The following ABHD18 variants were observed in gnomAD, a reference collection of about 807,000 sequenced individuals.
ABHD18 encodes abhydrolase domain containing 18.
A neutral mutation model predicts 65.9 loss-of-function variants in ABHD18; 55 were observed. The observed-to-expected ratio is 0.84, with a 90% CI of 0.67 to 1.05. The LOEUF (loss-of-function observed/expected upper bound fraction) is 1.05, where lower values mean the gene tolerates loss of function less well. Among genes scored for constraint, ABHD18 ranks in the 50% least tolerant of loss-of-function variants. The probability of loss-of-function intolerance (pLI) is 0.00; values close to 1 mark genes in which losing one functional copy is unlikely to be tolerated. For synonymous variants in ABHD18, 181 were observed against 180.2 expected, an observed-to-expected ratio of 1.00 and a Z score of -0.04; for missense variants, 533 against 558.5, an observed-to-expected ratio of 0.95 and a Z score of 0.46.
intron 1 of ABHD18, among the ~76,000 whole-genome samples, chr4:127,968,848 C>T (rs1178189714): frequency 2.0e-5 from 3 of 152,198 alleles, no homozygotes; most frequent in African/African-American, 2.4e-5. Flanking sequence ...TTTGGAGTTA[C>T]GTTCACCCTG....
At chr4:128,029,630 C>T (rs929095928) in intron 11 of ABHD18, among the ~76,000 whole-genome samples, 2 of 152,136 alleles carry the variant, frequency 1.3e-5, no homozygotes, top group African/African-American at 4.8e-5. Flanking sequence ...TTGAGACCAT[C>T]CTGGCCAACA....
chr4:127,978,452 T>C (rs1034987221), intron 1 of ABHD18, among the ~76,000 whole-genome samples: 1 of 152,140 alleles, frequency 6.6e-6, no homozygotes, highest in Non-Finnish European at 1.5e-5. Flanking sequence ...ATGAGATGGA[T>C]TGGTTGATTA....
At chr4:128,008,896 A>T (rs537657723) in intron 4 of ABHD18, 24 bp from the exon 5 acceptor site, 1 of 1,525,028 alleles carries the variant, frequency 6.6e-7, no homozygotes, top group Non-Finnish European at 8.9e-7. Context: ...AATTTTATTG[A>T]TAAGTCTATG....
At chr4:127,979,067 A>G (rs890213393) in intron 1 of ABHD18, among the ~76,000 whole-genome samples, 1 of 152,232 alleles carries the variant, frequency 6.6e-6, no homozygotes, top group Non-Finnish European at 1.5e-5. Flanking sequence ...AAATGTGAAC[A>G]ACCTACAGAA....
At chr4:128,005,855 C>G (rs1753514363) in intron 4 of ABHD18, among the ~76,000 whole-genome samples, 1 of 152,210 alleles carries the variant, frequency 6.6e-6, no homozygotes, top group Non-Finnish European at 1.5e-5. Flanking sequence ...TGCACAGTCT[C>G]TTGTCTCTGC....
Position 128,011,010 on chromosome 4 carries a change from T to C in ABHD18, c.443-663T>C, listed in dbSNP as rs181803489. Among the ~76,000 whole-genome samples the C allele has an allele frequency of 7.5e-3, 1,148 of 152,214 alleles. 10 individuals carry two copies. Among genetic ancestry groups the C allele is most frequent in the Non-Finnish European group, 9.3e-3 (630 of 68,014 alleles). ...CTTTAATCTGATTTTTTGTACTTTT[T>C]GGATTTTCTATAATAAAAATTTTAT... On this transcript the variant is annotated intron_variant, in intron 6 of 12. Coordinates refer to ENST00000645843, the MANE Select transcript of ABHD18 (RefSeq NM_001358451.3).
At chr4:128,029,557 A>G (rs967516807) in intron 11 of ABHD18, among the ~76,000 whole-genome samples, 2 of 151,942 alleles carry the variant, frequency 1.3e-5, no homozygotes, top group African/African-American at 4.8e-5. Flanking sequence ...GGCCCAGTGG[A>G]TCACGCCTGT....
chr4:128,003,030 C>G (rs7692740), intron 4 of ABHD18, among the ~76,000 whole-genome samples: 105,837 of 151,992 alleles, frequency 0.7, 37,285 homozygotes, highest in Middle Eastern at 0.82. Context: ...GACATTTGAC[C>G]TTATTCTTCT....
At position 128,022,917 on chromosome 4, in the gene ABHD18, C is replaced by T. The variant is rs544892103; in HGVS notation, c.801+1679C>T. On this transcript the variant is annotated intron_variant, in intron 10 of 12. Transcript: ENST00000645843. ...TCCTGAGCAGCTGGGACTACAGGCA[C>T]GCGCCACTATGCTTAGCTAATTTTT... Among the ~76,000 whole-genome samples the T allele has an allele frequency of 5.9e-5, 9 of 152,002 alleles. No homozygotes were observed. The South Asian group carries it at 6.2e-4, about 11-fold the overall frequency.
Position 128,036,016 on chromosome 4 carries a change from GT to G in ABHD18, c.*205del, listed in dbSNP as rs1480836635. ...CAAGATAATATTTGAAGTAAATAAT[GT>G]TAAAGTGTTTTTACTATTGTTTATT... On this transcript the variant is annotated 3_prime_UTR_variant, in exon 13 of 13. Transcript: ENST00000645843. The G allele has an allele frequency of 3.3e-5, 13 of 392,998 alleles. No individual in the cohort carries two copies. The highest frequency in any genetic ancestry group is 5.9e-5 in the Non-Finnish European group (13 of 221,728). 24.3% of individuals were successfully genotyped at this position (392,998 alleles called of 1,614,324 possible).
rs1745983581 is a variant in ABHD18, at chr4:127,967,947, C to T, written c.-18+2341C>T. ...CACCCCTTTCAAACAAACAGCCGGG[C>T]GCGGTGGCTCACGCTTGTAATCCCA... On this transcript the variant is annotated intron_variant, in intron 1 of 12. Transcript: ENST00000645843. Among the ~76,000 whole-genome samples, 5 of 152,266 alleles carry T rather than the reference C, an allele frequency of 3.3e-5. No individual in the cohort carries two copies. In the South Asian group the frequency reaches 1.0e-3, roughly 32 times the overall value.
In ABHD18 at chr4:127,979,962, TGAAGA is replaced by T. The variant is rs112954852; in HGVS notation, c.-17-2972_-17-2968del. On this transcript the variant is annotated intron_variant, in intron 1 of 12. Coordinates refer to ENST00000645843, the MANE Select transcript of ABHD18 (RefSeq NM_001358451.3). Reference sequence around the variant, plus strand: ...ACAATGGGAGGACACAAAGAAGTGATGAAGAGAAGTTTCTCCACTTTATAAAATTT... The same window carrying T: ...ACAATGGGAGGACACAAAGAAGTGATGAAGTTTCTCCACTTTATAAAATTT... Among the ~76,000 whole-genome samples the T allele has an allele frequency of 6.0e-3, 905 of 150,484 alleles. 17 individuals are homozygous for T. The highest frequency in any genetic ancestry group is 0.021 in the African/African-American group (849 of 40,894).
intron 4 of ABHD18, among the ~76,000 whole-genome samples, chr4:127,996,009 C>T (rs973631927): frequency 3.3e-5 from 5 of 152,164 alleles, no homozygotes; most frequent in East Asian, 3.8e-4. Flanking sequence ...TGGTACTTAA[C>T]GGCTTCCCAC....
chr4:128,028,767 A>T lies in ABHD18; in HGVS notation c.1094A>T (p.Glu365Val), dbSNP rs764681255. Residue 365 changes from glutamate to valine, a missense_variant, in exon 11 of 13, where the codon GAA (glutamate) becomes GTA (valine). Transcript: ENST00000645843. Reference sequence around the variant, plus strand: ...CAGTCATACCACCTACTTAGTAAAGAACAAAGCAGAAACAGTCTTCGGAAA... The same window carrying T: ...CAGTCATACCACCTACTTAGTAAAGTACAAAGCAGAAACAGTCTTCGGAAA... ...NPQSYHLLSK[E>V]QSRNSLRKES... The T allele has an allele frequency of 6.2e-7, 1 of 1,613,390 alleles. No homozygotes were observed. The highest frequency in any genetic ancestry group is 1.1e-5 in the South Asian group (1 of 90,856).
intron 1 of ABHD18, among the ~76,000 whole-genome samples, chr4:127,967,788 AT>A (rs200465095): frequency 8.6e-5 from 13 of 151,468 alleles, no homozygotes; most frequent in African/African-American, 1.9e-4. Flanking sequence ...TATATATGTA[AT>A]TTTTTTTTAT....
rs553905800 is a variant in ABHD18, at chr4:128,035,913, C to T, written c.*100C>T. 2 of 574,914 alleles carry T rather than the reference C, an allele frequency of 3.5e-6. No homozygotes were observed. Among genetic ancestry groups the T allele is most frequent in the South Asian group, 7.1e-5 (2 of 28,166 alleles). The allele number at this position is 574,914 out of a possible 1,614,324, so 35.6% of individuals were successfully genotyped here. On this transcript the variant is annotated 3_prime_UTR_variant, in exon 13 of 13. Coordinates refer to ENST00000645843, the MANE Select transcript of ABHD18 (RefSeq NM_001358451.3). ...GGACAAGCAGACAGCACTAATATAT[C>T]TAATCGCTATCAATTTGGTCTGGAA...
At chr4:127,972,901 T>G (rs902254584) in intron 1 of ABHD18, among the ~76,000 whole-genome samples, 1 of 152,154 alleles carries the variant, frequency 6.6e-6, no homozygotes, top group Non-Finnish European at 1.5e-5. Flanking sequence ...AGGCAAGTGT[T>G]TTTACTTTGT....
chr4:128,034,262 A>G (rs1205550083), intron 12 of ABHD18, among the ~76,000 whole-genome samples: 1 of 152,126 alleles, frequency 6.6e-6, no homozygotes, highest in African/African-American at 2.4e-5. Context: ...TGGCCTAGAC[A>G]TGCATTTTCT....
chr4:127,981,394 C>G (rs934100345), intron 1 of ABHD18, among the ~76,000 whole-genome samples: 1 of 144,480 alleles, frequency 6.9e-6, no homozygotes, highest in African/African-American at 2.4e-5. Context: ...TTATTCTACT[C>G]TTATTTTGAT....
Sources: allele counts gnomAD v4.1 joint callset (sites outside exome capture counted in the v4.1 genomes callset), GRCh38; gene constraint gnomAD v4.1.1; transcripts MANE v1.5; gene names NCBI Gene and HGNC (gene_info 2026-07-23, HGNC 2026-07-21).